Variants in ARB2A observed in about 807,000 individuals in gnomAD.
ARB2A encodes the protein ARB2 cotranscriptional regulator A.
chr5:93,906,274 A>T, the ARB2A span, among the ~76,000 whole-genome samples: 14 of 151,550 alleles, frequency 9.2e-5, no homozygotes, highest in Non-Finnish European at 1.8e-4. Flanking sequence ...TGACAAATAA[A>T]CCATCAGTGA....
At chr5:93,682,051 G>T in the ARB2A span, among the ~76,000 whole-genome samples, 3 of 151,820 alleles carry the variant, frequency 2.0e-5, no homozygotes, top group East Asian at 5.8e-4. Context: ...CTCTTAAGTG[G>T]CTTCAGCTTA....
At chr5:93,936,972 G>A in the ARB2A span, among the ~76,000 whole-genome samples, 25 of 137,170 alleles carry the variant, frequency 1.8e-4, no homozygotes, top group Admixed American at 5.5e-4. Flanking sequence ...ACGGAGTCTC[G>A]CTCTGTCACC....
chr5:93,804,499 T>C, the ARB2A span, among the ~76,000 whole-genome samples: 1 of 151,884 alleles, frequency 6.6e-6, no homozygotes, highest in Non-Finnish European at 1.5e-5. Context: ...ATACTTTCAA[T>C]AATAATTCAA....
chr5:93,732,479 C>G, the ARB2A span, among the ~76,000 whole-genome samples: 2 of 151,944 alleles, frequency 1.3e-5, no homozygotes, highest in Non-Finnish European at 2.9e-5. Context: ...TATAAACACA[C>G]TAATTGTAAT....
chr5:93,618,723 C>T, the ARB2A span: 1 of 152,176 alleles, frequency 6.6e-6, no homozygotes, highest in Non-Finnish European at 1.5e-5. Flanking sequence ...GTAGAAATTA[C>T]ATTTACACAA....
chr5:94,001,321 G>A, the ARB2A span, among the ~76,000 whole-genome samples: 1 of 152,006 alleles, frequency 6.6e-6, no homozygotes, highest in African/African-American at 2.4e-5. Context: ...TCTTTCATGA[G>A]AGTTTTGTAG....
chr5:93,706,822 C>T, the ARB2A span, among the ~76,000 whole-genome samples: 5 of 149,654 alleles, frequency 3.3e-5, no homozygotes, highest in Admixed American at 1.3e-4. Context: ...GCTGAGATTG[C>T]GCCACTGCAC....
chr5:93,943,324 C>T, the ARB2A span, among the ~76,000 whole-genome samples: 16,007 of 151,962 alleles, frequency 0.11, 973 homozygotes, highest in Middle Eastern at 0.16. Context: ...TAATAAGTAT[C>T]TCTTTAATTT....
the ARB2A span, among the ~76,000 whole-genome samples, chr5:93,878,300 C>T: frequency 1.3e-5 from 2 of 152,078 alleles, no homozygotes; most frequent in African/African-American, 4.8e-5. Flanking sequence ...ATCTGCTCTA[C>T]AAATATTTAT....
At chr5:93,801,924 C>T in the ARB2A span, among the ~76,000 whole-genome samples, 12,901 of 152,104 alleles carry the variant, frequency 0.085, 774 homozygotes, top group Middle Eastern at 0.17. Flanking sequence ...TATAATTCAA[C>T]CAGTAAAGAA....
At chr5:93,733,186 C>G in the ARB2A span, 1 of 148,738 alleles carries the variant, frequency 6.7e-6, no homozygotes, top group African/African-American at 2.5e-5. Flanking sequence ...CACACACAAA[C>G]TTATTTTCTT....
chr5:94,088,313 C>T, the ARB2A span, among the ~76,000 whole-genome samples: 3 of 152,098 alleles, frequency 2.0e-5, no homozygotes, highest in Non-Finnish European at 4.4e-5. Flanking sequence ...TTACAAAAGA[C>T]AAACTATAAA....
At chr5:94,030,166 C>T in the ARB2A span, among the ~76,000 whole-genome samples, 23 of 152,184 alleles carry the variant, frequency 1.5e-4, 1 homozygote, top group Admixed American at 1.3e-3. Context: ...GGGGACACAG[C>T]TAAACCATAT....
chr5:93,997,134 C>G, the ARB2A span, among the ~76,000 whole-genome samples: 1 of 151,970 alleles, frequency 6.6e-6, no homozygotes, highest in East Asian at 1.9e-4. Flanking sequence ...AGTGAATTTG[C>G]CAGCTGCTTT....
the ARB2A span, among the ~76,000 whole-genome samples, chr5:93,711,205 GTT>G: frequency 3.1e-5 from 4 of 127,604 alleles, no homozygotes; most frequent in Non-Finnish European, 1.7e-5. Flanking sequence ...TTTTTTTTTT[GTT>G]TTTTTTTTTT....
chr5:93,766,448 T>C, the ARB2A span, among the ~76,000 whole-genome samples: 6 of 152,180 alleles, frequency 3.9e-5, no homozygotes, highest in African/African-American at 1.2e-4. Context: ...ATGCTCATCA[T>C]CACTGGCCAT....
the ARB2A span, among the ~76,000 whole-genome samples, chr5:93,806,664 A>G: frequency 6.6e-6 from 1 of 151,938 alleles, no homozygotes; most frequent in Non-Finnish European, 1.5e-5. Flanking sequence ...TAAAGTATGA[A>G]TTCCAGAATT....
the ARB2A span, among the ~76,000 whole-genome samples, chr5:93,838,648 A>G: frequency 6.6e-6 from 1 of 152,028 alleles, no homozygotes; most frequent in African/African-American, 2.4e-5. Flanking sequence ...TGGCCATTTT[A>G]ATTACATTGA....
At chr5:93,769,808 T>A in the ARB2A span, among the ~76,000 whole-genome samples, 1 of 152,150 alleles carries the variant, frequency 6.6e-6, no homozygotes, top group Non-Finnish European at 1.5e-5. Context: ...ACTTTAGTGA[T>A]AAATGGATAT....
Sources: allele counts gnomAD v4.1 joint callset (sites outside exome capture counted in the v4.1 genomes callset), GRCh38; gene constraint gnomAD v4.1.1; transcripts MANE v1.5; gene names NCBI Gene and HGNC (gene_info 2026-07-23, HGNC 2026-07-21).